Variants in CD80 observed in about 807,000 individuals in gnomAD.
CD80 encodes T-lymphocyte activation antigen CD80.
Under a neutral mutation model 27.1 loss-of-function variants are expected in CD80, and 13 were observed. The observed-to-expected ratio is 0.48, with a 90% confidence interval of 0.31 to 0.76. The LOEUF (loss-of-function observed/expected upper bound fraction) is 0.76. Among genes scored for constraint, CD80 ranks in the 30% least tolerant of loss-of-function variants. The probability of loss-of-function intolerance (pLI) is 0.04; values close to 1 mark genes in which losing one functional copy is unlikely to be tolerated. For missense variants in CD80, 277 were observed against 347.9 expected, an observed-to-expected ratio of 0.80 and a Z score of 1.62; for synonymous variants, 125 against 125.5, an observed-to-expected ratio of 1.00 and a Z score of 0.03.
At chr3:119,530,480 A>T (rs1331612511) in intron 4 of CD80, among the ~76,000 whole-genome samples, 1 of 152,174 alleles carries the variant, frequency 6.6e-6, no homozygotes, top group Non-Finnish European at 1.5e-5. Flanking sequence ...AACACAGAAC[A>T]AGTCTGGCAA....
chr3:119,552,874 A>G (rs1189098195), intron 2 of CD80, among the ~76,000 whole-genome samples: 1 of 152,124 alleles, frequency 6.6e-6, no homozygotes, highest in Non-Finnish European at 1.5e-5. Flanking sequence ...TTCTGGAAAA[A>G]AAGGAAGAGA....
intron 3 of CD80, 74 bp from the exon 4 acceptor site, chr3:119,537,492 T>C: frequency 9.4e-7 from 1 of 1,065,274 alleles, no homozygotes; most frequent in Non-Finnish European, 1.3e-6. Context: ...TTTTAAATAA[T>C]TTTCTAGCTT....
At chr3:119,552,761 C>T (rs1324037669) in intron 2 of CD80, among the ~76,000 whole-genome samples, 5 of 151,948 alleles carry the variant, frequency 3.3e-5, no homozygotes, top group Admixed American at 1.3e-4. Context: ...CTAAGACATA[C>T]GCAACATGGA....
chr3:119,539,195 A>AT (rs2082154871), intron 3 of CD80, among the ~76,000 whole-genome samples: 1 of 152,128 alleles, frequency 6.6e-6, no homozygotes, highest in South Asian at 2.1e-4. Context: ...CTGTTTATTT[A>AT]TTTAATGTGC....
At chr3:119,550,376 TGAG>T (rs1368739745) in intron 2 of CD80, among the ~76,000 whole-genome samples, 2 of 152,226 alleles carry the variant, frequency 1.3e-5, no homozygotes, top group African/African-American at 2.4e-5. Context: ...TGATGGCTTC[TGAG>T]GAGTTTTTGT....
At chr3:119,530,021 T>C (rs1263039467) in intron 4 of CD80, 84 bp from the exon 5 acceptor site, 3 of 958,380 alleles carry the variant, frequency 3.1e-6, no homozygotes, top group African/African-American at 1.6e-5. Context: ...TTGATGCAAC[T>C]GTGGAGTATT....
At chr3:119,536,154 G>A (rs2082136706) in intron 4 of CD80, among the ~76,000 whole-genome samples, 1 of 151,920 alleles carries the variant, frequency 6.6e-6, no homozygotes, top group African/African-American at 2.4e-5. Context: ...GGGAGGCTGA[G>A]GCAGAAGAAT....
At chr3:119,527,948 G>A in intron 5 of CD80, 107 bp from the exon 6 acceptor site, 1 of 944,880 alleles carries the variant, frequency 1.1e-6, no homozygotes, top group South Asian at 1.4e-5. Flanking sequence ...TAGAACTGGA[G>A]CAGTTGTTCT....
rs375867476 is a variant in CD80, at chr3:119,531,610, C to A, written c.701-1673G>T. 1.1e-4 allele frequency among the ~76,000 whole-genome samples: 16 copies of A among 152,116 alleles called. No individual in the cohort carries two copies. The East Asian group carries it at 2.5e-3, about 24-fold the overall frequency. On this transcript the variant is annotated intron_variant, in intron 4 of 6. Coordinates refer to ENST00000264246, the MANE Select transcript of CD80 (RefSeq NM_005191.4). ...GAGAGGGTCCAGGGAGTCCAAGATC[C>A]CTGTTTTTACTTTTCTGATTACCAA...
At chr3:119,549,936 C>T (rs763697482) in intron 2 of CD80, among the ~76,000 whole-genome samples, 4 of 152,228 alleles carry the variant, frequency 2.6e-5, no homozygotes, top group Admixed American at 6.5e-5. Flanking sequence ...GGCTATCCAT[C>T]TCCATTGACT....
At chr3:119,526,076 C>T (rs1197452103) in intron 6 of CD80, among the ~76,000 whole-genome samples, 4 of 152,068 alleles carry the variant, frequency 2.6e-5, no homozygotes, top group African/African-American at 9.7e-5. Flanking sequence ...AAATATCGAT[C>T]AGGCAAATGT....
intron 3 of CD80, among the ~76,000 whole-genome samples, chr3:119,538,772 GGA>G (rs2082152268): frequency 6.6e-6 from 1 of 152,182 alleles, no homozygotes. Context: ...GTCTAGATGG[GGA>G]GAGAGAAAAC....
chr3:119,558,781 A>G (rs963917251), intron 1 of CD80, among the ~76,000 whole-genome samples: 1 of 151,968 alleles, frequency 6.6e-6, no homozygotes, highest in African/African-American at 2.4e-5. Flanking sequence ...AAAAAAAAAA[A>G]AAAATTATGT....
At chr3:119,532,169 C>T (rs1311578580) in intron 4 of CD80, among the ~76,000 whole-genome samples, 2 of 152,136 alleles carry the variant, frequency 1.3e-5, no homozygotes, top group African/African-American at 4.8e-5. Context: ...TTACTGGCCC[C>T]AGTCTTCCTG....
At chr3:119,548,379 A>G (rs1214246126) in intron 2 of CD80, among the ~76,000 whole-genome samples, 1 of 152,174 alleles carries the variant, frequency 6.6e-6, no homozygotes, top group Non-Finnish European at 1.5e-5. Flanking sequence ...GGACAGAGAC[A>G]GGGATCCCTA....
intron 2 of CD80, among the ~76,000 whole-genome samples, chr3:119,555,310 A>G (rs1430379980): frequency 6.6e-6 from 1 of 152,198 alleles, no homozygotes; most frequent in African/African-American, 2.4e-5. Context: ...GGTATTGCAT[A>G]TTCTATGGAT....
chr3:119,537,290 T>G lies in CD80; in HGVS notation c.547A>C (p.Asn183His). 2 of 1,614,130 alleles carry G rather than the reference T, an allele frequency of 1.2e-6. No homozygotes were observed. The highest frequency in any genetic ancestry group is 1.7e-6 in the Non-Finnish European group (2 of 1,180,006). ...LSWLENGEELNAINTTVSQDP... is the reference protein window; with the variant it reads ...LSWLENGEELHAINTTVSQDP... Reference sequence around the variant, plus strand: ...TGGGAAACTGTTGTGTTGATGGCATTTAATTCTTCTCCATTTTCCAACCAG... The same window carrying G: ...TGGGAAACTGTTGTGTTGATGGCATGTAATTCTTCTCCATTTTCCAACCAG... Residue 183 changes from asparagine to histidine, a missense_variant, in exon 4 of 7, where the codon AAT (asparagine) becomes CAT (histidine). By Grantham distance (68) the Asn-to-His change is moderately conservative. Coordinates refer to ENST00000264246, the MANE Select transcript of CD80 (RefSeq NM_005191.4).
chr3:119,527,585 A>T (rs189304450), intron 6 of CD80, 148 bp downstream of exon 6: 1 of 521,488 alleles, frequency 1.9e-6, no homozygotes, highest in Non-Finnish European at 3.4e-6. Context: ...AAGGAGAGGG[A>T]TGCCAGCCAT....
At chr3:119,558,222 A>G (rs1438126362) in intron 1 of CD80, among the ~76,000 whole-genome samples, 1 of 152,214 alleles carries the variant, frequency 6.6e-6, no homozygotes, top group Non-Finnish European at 1.5e-5. Context: ...GCAAAAGTTC[A>G]AATCCTCTTC....
Sources: gnomAD v4.1 joint callset for allele counts (sites outside exome capture counted in the v4.1 genomes callset) on GRCh38, gnomAD v4.1.1 for gene constraint, MANE v1.5 for transcripts, NCBI Gene and HGNC (gene_info 2026-07-23, HGNC 2026-07-21) for gene names.